The following TOP3A variants were observed in gnomAD, a reference collection of about 807,000 sequenced individuals.
TOP3A encodes DNA topoisomerase 3-alpha.
TOP3A carries 64 observed loss-of-function variants against 111.3 expected under a neutral mutation model. The observed-to-expected ratio is 0.57, with a 90% CI of 0.47 to 0.71. TOP3A has a LOEUF of 0.71. Ranked by LOEUF, TOP3A falls within the 30% of genes least tolerant of loss-of-function variation. The pLI is 0.00. For synonymous variants in TOP3A, 484 were observed against 485.1 expected, an observed-to-expected ratio of 1.00 and a Z score of 0.03; for missense variants, 1,104 against 1,285.0, an observed-to-expected ratio of 0.86 and a Z score of 2.15.
chr17:18,310,715 T>C (rs1981859125), intron 1 of TOP3A, among the ~76,000 whole-genome samples: 1 of 152,210 alleles, frequency 6.6e-6, no homozygotes, highest in East Asian at 1.9e-4. Context: ...GTGGCACATT[T>C]AGTGGACAAA....
chr17:18,305,697 G>C (rs1981537526), intron 4 of TOP3A, among the ~76,000 whole-genome samples: 1 of 152,020 alleles, frequency 6.6e-6, no homozygotes, highest in Non-Finnish European at 1.5e-5. Context: ...AATTAGCCGG[G>C]CATGGTGGCA....
At chr17:18,312,731 G>C (rs1981989787) in intron 1 of TOP3A, 1 of 190,004 alleles carries the variant, frequency 5.3e-6, no homozygotes, top group Admixed American at 4.9e-5. Flanking sequence ...CTTTTGGCTG[G>C]AACTGCCATC....
chr17:18,313,802 C>T (rs532387918), intron 1 of TOP3A, among the ~76,000 whole-genome samples: 2 of 152,300 alleles, frequency 1.3e-5, no homozygotes, highest in East Asian at 3.9e-4. Context: ...GGAAACAGGT[C>T]TTAGGACCCT....
At chr17:18,305,060 C>CT (rs779772816) in intron 5 of TOP3A, 52 bp downstream of exon 5, 3 of 1,478,214 alleles carry the variant, frequency 2.0e-6, no homozygotes, top group Non-Finnish European at 2.8e-6. Context: ...CAAGAACACT[C>CT]TATTTATGGA....
In TOP3A at chr17:18,280,517, AC is replaced by A. The variant is rs1567735227; in HGVS notation, c.2144+18del. The A allele has an allele frequency of 6.2e-7, 1 of 1,611,720 alleles. No homozygotes were observed. The highest frequency in any genetic ancestry group is 2.2e-5 in the East Asian group (1 of 44,792). On this transcript the variant is annotated intron_variant, in intron 17 of 18. Coordinates refer to ENST00000321105, the MANE Select transcript of TOP3A (RefSeq NM_004618.5). Reference sequence around the variant, plus strand: ...GTACACACTCCAGAGGAGGCACCTGACTCAGGTGCCCAGCTCACCTGTACAC... The same window carrying A: ...GTACACACTCCAGAGGAGGCACCTGATCAGGTGCCCAGCTCACCTGTACAC...
chr17:18,283,843 G>A (rs1390297072), intron 15 of TOP3A, among the ~76,000 whole-genome samples: 3 of 152,134 alleles, frequency 2.0e-5, no homozygotes, highest in African/African-American at 2.4e-5. Context: ...ATGCTTACCC[G>A]TTAATTACAA....
At chr17:18,310,287 G>A (rs374615532) in intron 1 of TOP3A, among the ~76,000 whole-genome samples, 13 of 152,006 alleles carry the variant, frequency 8.6e-5, no homozygotes, top group African/African-American at 2.9e-4. Flanking sequence ...TTAGCTGGGC[G>A]TGGTGGTGGG....
Position 18,285,575 on chromosome 17 carries a change from G to T in TOP3A, c.1598-55C>A, listed in dbSNP as rs534479088. On this transcript the variant is annotated intron_variant, in intron 13 of 18. Coordinates refer to ENST00000321105, the MANE Select transcript of TOP3A (RefSeq NM_004618.5). ...TAATACAGACAACAGCTCCACCCGG[G>T]TGGCGCATGGGCACCTTGCTCACCC... The T allele has an allele frequency of 1.4e-5, 21 of 1,511,050 alleles. No individual in the cohort carries two copies. The East Asian group carries it at 4.1e-4, about 30-fold the overall frequency. The allele number at this position is 1,511,050 out of a possible 1,614,324, so 93.6% of individuals were successfully genotyped here.
chr17:18,279,383 A>C (rs1219308661), intron 17 of TOP3A, among the ~76,000 whole-genome samples: 1 of 151,904 alleles, frequency 6.6e-6, no homozygotes, highest in Non-Finnish European at 1.5e-5. Flanking sequence ...CAGCCTGCCG[A>C]GTAGCTGGGA....
At chr17:18,276,555 A>C (rs1378720271) in intron 18 of TOP3A, among the ~76,000 whole-genome samples, 1 of 152,176 alleles carries the variant, frequency 6.6e-6, no homozygotes, top group East Asian at 1.9e-4. Flanking sequence ...CTCCTTTCTA[A>C]AACAGGAACC....
chr17:18,284,628 C>A (rs531549539), intron 15 of TOP3A, among the ~76,000 whole-genome samples: 1 of 152,102 alleles, frequency 6.6e-6, no homozygotes, highest in Non-Finnish European at 1.5e-5. Context: ...GAAAACACAT[C>A]ATTTCTAACA....
rs1718340409 is a variant in TOP3A, at chr17:18,294,701, A to AC, written c.1073+1dup. On this transcript the variant is annotated splice_donor_variant, in intron 10 of 18. Transcript: ENST00000321105. LOFTEE classifies it high-confidence loss of function. The stretch of plus-strand genomic sequence containing the variant: ...TTCTACTCCCAAACCCAAAATACTT[A>AC]CCCTTGAGTGTAGAGCTTCTCAGCA... 1 of 1,607,904 alleles carries AC rather than the reference A, an allele frequency of 6.2e-7. No homozygotes were observed. The highest frequency in any genetic ancestry group is 1.7e-5 in the Admixed American group (1 of 59,928).
chr17:18,291,135 G>A (rs1004427692), intron 11 of TOP3A, 108 bp from the exon 12 acceptor site: 4 of 1,121,130 alleles, frequency 3.6e-6, no homozygotes, highest in African/African-American at 3.1e-5. Flanking sequence ...AGGCCACACT[G>A]CTCCTCAGGC....
intron 13 of TOP3A, among the ~76,000 whole-genome samples, chr17:18,287,890 C>A (rs192359458): frequency 4.5e-4 from 68 of 151,444 alleles, no homozygotes; most frequent in African/African-American, 1.6e-3. Context: ...CCTAGCTACT[C>A]GGGAGGCTGA....
Position 18,285,324 on chromosome 17 carries a change from G to A in TOP3A, c.1712-17C>T, listed in dbSNP as rs369423450. On this transcript the variant is annotated splice_polypyrimidine_tract_variant and intron_variant, in intron 14 of 18. Transcript: ENST00000321105. ...AATCATAACCTGCAGGGAGAGAGTC[G>A]AGCTCAGTGAGGGCCCACCTGAGAC... 2.0e-5 allele frequency: 33 copies of A among 1,613,632 alleles called. No individual in the cohort carries two copies. The highest frequency in any genetic ancestry group is 1.5e-4 in the African/African-American group (11 of 74,938).
chr17:18,282,895 C>G (rs1417036401), intron 15 of TOP3A, 54 bp from the exon 16 acceptor site: 3 of 1,605,148 alleles, frequency 1.9e-6, no homozygotes, highest in Non-Finnish European at 2.5e-6. Context: ...TGCAAAGGCA[C>G]CTACAACACT....
At chr17:18,305,323 GGA>G (rs1388141474) in intron 4 of TOP3A, 103 bp from the exon 5 acceptor site, 1 of 929,644 alleles carries the variant, frequency 1.1e-6, no homozygotes, top group Non-Finnish European at 1.7e-6. Flanking sequence ...TGCTGCTCTT[GGA>G]GTGTGACAAC....
rs1981259238 is a variant in TOP3A, at chr17:18,302,003, A to G, written c.815-18T>C. 6.2e-7 allele frequency: 1 copy of G among 1,606,224 alleles called. No homozygotes were observed. The highest frequency in any genetic ancestry group is 8.5e-7 in the Non-Finnish European group (1 of 1,173,060). On this transcript the variant is annotated intron_variant, in intron 7 of 18. Coordinates refer to ENST00000321105, the MANE Select transcript of TOP3A (RefSeq NM_004618.5). ...ATGAGTTACTATATTAAGGAGAGAC[A>G]AACAGAAAGGCTGTGTCTCAGAGAC...
chr17:18,314,519 C>A (rs773521390), intron 1 of TOP3A, 80 bp downstream of exon 1: 4 of 1,466,202 alleles, frequency 2.7e-6, no homozygotes, highest in Non-Finnish European at 3.7e-6. Context: ...GCCTTCATCT[C>A]GATTCTTGGC....
Sources: gnomAD v4.1 joint callset for allele counts (sites outside exome capture counted in the v4.1 genomes callset) on GRCh38, gnomAD v4.1.1 for gene constraint, MANE v1.5 for transcripts, NCBI Gene and HGNC (gene_info 2026-07-23, HGNC 2026-07-21) for gene names.